The following SMCHD1 variants were observed in gnomAD, a reference collection of about 807,000 sequenced individuals.
SMCHD1 encodes the protein structural maintenance of chromosomes flexible hinge domain containing 1, also known as structural maintenance of chromosomes flexible hinge domain-containing protein 1.
Under a neutral mutation model 254.7 loss-of-function variants are expected in SMCHD1, and 78 were observed. The ratio of observed to expected loss-of-function variants is 0.31; its 90% CI spans 0.26 to 0.37. The LOEUF is 0.37. Among genes scored for constraint, SMCHD1 ranks in the 10% least tolerant of loss-of-function variants. The pLI, the probability that SMCHD1 is intolerant of heterozygous loss-of-function variation, is 1.00. For missense variants in SMCHD1, 1,840 were observed against 2,408.1 expected (o/e 0.76, Z 4.94); for synonymous variants, 766 against 794.9 (o/e 0.96, Z 0.61).
chr18:2,711,849 A>G (rs2074683476), intron 17 of SMCHD1, among the ~76,000 whole-genome samples: 1 of 152,124 alleles, frequency 6.6e-6, no homozygotes, highest in Non-Finnish European at 1.5e-5. Flanking sequence ...TCATAGGTGC[A>G]CATCTCTCAT....
Position 2,766,830 on chromosome 18 carries a change from T to C in SMCHD1, c.4720-2864T>C, listed in dbSNP as rs549397038. Among the ~76,000 whole-genome samples the C allele has an allele frequency of 2.0e-5, 3 of 152,352 alleles. No homozygotes were observed. In the East Asian group the frequency reaches 5.8e-4, roughly 29 times the overall value. On this transcript the variant is annotated intron_variant, in intron 37 of 47. Transcript: ENST00000320876. ...TTTATACTTGGATCCAGTTTGGGAC[T>C]CTTCATTTCTGTTATTCTGTTTATC...
intron 45 of SMCHD1, among the ~76,000 whole-genome samples, chr18:2,787,474 C>T (rs1443079728): frequency 2.0e-5 from 3 of 152,156 alleles, no homozygotes; most frequent in Non-Finnish European, 4.4e-5. Flanking sequence ...GAAGAGGAGT[C>T]ATACTTCTGT....
chr18:2,658,296 A>G (rs1253211777), intron 1 of SMCHD1, among the ~76,000 whole-genome samples: 1 of 152,200 alleles, frequency 6.6e-6, no homozygotes, highest in Non-Finnish European at 1.5e-5. Context: ...TCTTAGATAA[A>G]TAGAGGAAGT....
At chr18:2,677,657 C>T (rs539496817) in intron 5 of SMCHD1, among the ~76,000 whole-genome samples, 33 of 152,284 alleles carry the variant, frequency 2.2e-4, no homozygotes, top group Non-Finnish European at 4.1e-4. Flanking sequence ...AGACAAATCT[C>T]GCTCTGTCGT....
rs562383993 is a variant in SMCHD1, at chr18:2,736,545, TTAAC to T, written c.3277-1851_3277-1848del. ...TAATAACCAGAATCTATAAGGAACT[TTAAC>T]AAGCAAAAAACAACCCCATTTAAAA... On this transcript the variant is annotated intron_variant, in intron 25 of 47. Coordinates refer to ENST00000320876, the MANE Select transcript of SMCHD1 (RefSeq NM_015295.3). 1.2e-4 allele frequency among the ~76,000 whole-genome samples: 19 copies of T among 152,168 alleles called. No individual in the cohort carries two copies. The South Asian group carries it at 2.1e-3, about 17-fold the overall frequency.
At chr18:2,791,047 A>G (rs1285938768) in intron 45 of SMCHD1, among the ~76,000 whole-genome samples, 1 of 152,232 alleles carries the variant, frequency 6.6e-6, no homozygotes, top group Non-Finnish European at 1.5e-5. Context: ...TTATTAAGGG[A>G]GAAAGTTATA....
At chr18:2,726,362 A>G in intron 21 of SMCHD1, 90 bp from the exon 22 acceptor site, 1 of 677,102 alleles carries the variant, frequency 1.5e-6, no homozygotes. Context: ...GTATGAAAAT[A>G]AAACCAAAAT....
At position 2,784,124 on chromosome 18, in the gene SMCHD1, C is replaced by T. The variant is rs143439631; in HGVS notation, c.5548-326C>T. Among the ~76,000 whole-genome samples the T allele has an allele frequency of 1.3e-3, 200 of 152,286 alleles. 1 individual carries two copies. The highest frequency in any genetic ancestry group is 4.7e-3 in the African/African-American group (195 of 41,568). On this transcript the variant is annotated intron_variant, in intron 44 of 47. Transcript: ENST00000320876. ...AACAGAGGAAACTGGGTTGGTGATG[C>T]TACCTTGATACTTAACTGCCATGGG...
At chr18:2,707,761 C>T (rs932952046) in intron 16 of SMCHD1, 46 bp from the exon 17 acceptor site, 1 of 1,536,368 alleles carries the variant, frequency 6.5e-7, no homozygotes, top group Non-Finnish European at 8.9e-7. Flanking sequence ...GCAGATTCAG[C>T]AAATTTTTGG....
chr18:2,670,319 C>T (rs1278553788), intron 3 of SMCHD1, among the ~76,000 whole-genome samples: 2 of 152,022 alleles, frequency 1.3e-5, no homozygotes, highest in Admixed American at 1.3e-4. Flanking sequence ...GCACTCATTT[C>T]TTCACTTCCT....
chr18:2,745,666 GTTT>G (rs902750101), intron 29 of SMCHD1, among the ~76,000 whole-genome samples: 2 of 152,172 alleles, frequency 1.3e-5, no homozygotes, highest in South Asian at 2.1e-4. Flanking sequence ...GTGTGGAACA[GTTT>G]TGAGGTGGAA....
At chr18:2,659,929 T>C (rs1472353723) in intron 1 of SMCHD1, among the ~76,000 whole-genome samples, 1 of 152,200 alleles carries the variant, frequency 6.6e-6, no homozygotes, top group African/African-American at 2.4e-5. Context: ...AATTACCTGT[T>C]GTTCAGAGAT....
chr18:2,750,595 G>A, intron 32 of SMCHD1, 88 bp downstream of exon 32: 1 of 1,130,154 alleles, frequency 8.8e-7, no homozygotes, highest in Non-Finnish European at 1.2e-6. Flanking sequence ...GGTTAAGTGT[G>A]CTCAGTCTAA....
At chr18:2,756,562 G>A (rs928986780) in intron 34 of SMCHD1, among the ~76,000 whole-genome samples, 1 of 152,120 alleles carries the variant, frequency 6.6e-6, no homozygotes, top group African/African-American at 2.4e-5. Context: ...TGTATTTCCT[G>A]TCTCTTGCTC....
chr18:2,722,718 C>T, intron 20 of SMCHD1, 55 bp downstream of exon 20: 3 of 1,468,750 alleles, frequency 2.0e-6, no homozygotes, highest in South Asian at 1.4e-5. Flanking sequence ...AGCATTTACT[C>T]TTTTTTTCAG....
At position 2,697,747 on chromosome 18, in the gene SMCHD1, A is replaced by G; in HGVS notation, c.1132-84A>G. On this transcript the variant is annotated intron_variant, in intron 9 of 47. Transcript: ENST00000320876. Reference sequence around the variant, plus strand: ...ACTTGTACAAATAAACATAATTTTTACTTATTCTGTTGTTGAATCATAGCT... The same window carrying G: ...ACTTGTACAAATAAACATAATTTTTGCTTATTCTGTTGTTGAATCATAGCT... 3 of 848,142 alleles carry G rather than the reference A, an allele frequency of 3.5e-6. No individual in the cohort carries two copies. In the South Asian group the frequency reaches 4.9e-5, roughly 14 times the overall value. The allele number at this position is 848,142 out of a possible 1,614,324, so 52.5% of individuals were successfully genotyped here.
At chr18:2,784,889 G>A in intron 45 of SMCHD1, 1 of 490,836 alleles carries the variant, frequency 2.0e-6, no homozygotes, top group African/African-American at 1.9e-5. Flanking sequence ...AGACAAGAGT[G>A]TCGCTTGAGC....
chr18:2,761,624 C>T (rs2075785886), intron 35 of SMCHD1, among the ~76,000 whole-genome samples: 1 of 152,120 alleles, frequency 6.6e-6, no homozygotes, highest in East Asian at 1.9e-4. Context: ...CAAGACCAGC[C>T]TGGCCAATAT....
intron 17 of SMCHD1, among the ~76,000 whole-genome samples, chr18:2,708,243 A>G (rs201847649): frequency 6.6e-6 from 1 of 151,764 alleles, no homozygotes; most frequent in African/African-American, 2.4e-5. Flanking sequence ...TTACAGTAAT[A>G]ATTACAGTAT....
Sources: gnomAD v4.1 joint callset for allele counts (sites outside exome capture counted in the v4.1 genomes callset) on GRCh38, gnomAD v4.1.1 for gene constraint, MANE v1.5 for transcripts, NCBI Gene and HGNC (gene_info 2026-07-23, HGNC 2026-07-21) for gene names.